Variants in ARHGAP40 observed in about 807,000 individuals in gnomAD.
ARHGAP40 encodes Rho GTPase activating protein 40.
In ARHGAP40, 43 loss-of-function variants were observed where a neutral mutation model predicts 73.5. That is an observed-to-expected ratio of 0.58 (90% CI 0.46 to 0.75). The LOEUF (loss-of-function observed/expected upper bound fraction) is 0.75, where lower values mean the gene tolerates loss of function less well. Among genes scored for constraint, ARHGAP40 ranks in the 30% least tolerant of loss-of-function variants. ARHGAP40 has a pLI of 0.00. For missense variants in ARHGAP40, 734 were observed against 861.8 expected (o/e 0.85, Z 1.86); for synonymous variants, 300 against 352.8 (o/e 0.85, Z 1.68).
intron 1 of ARHGAP40, among the ~76,000 whole-genome samples, chr20:38,602,570 C>T (rs951701900): frequency 9.9e-5 from 15 of 152,162 alleles, no homozygotes; most frequent in African/African-American, 3.1e-4. Flanking sequence ...TCATTTCCCC[C>T]ACTCTGATTA....
Position 38,601,912 on chromosome 20 carries a change from C to T in ARHGAP40, c.-31C>T, listed in dbSNP as rs888243935. On this transcript the variant is annotated 5_prime_UTR_variant, in exon 1 of 15. In the 5' UTR this introduces an upstream ATG that the reference lacks. Coordinates refer to ENST00000373345, the Ensembl canonical transcript of ARHGAP40. The stretch of plus-strand genomic sequence containing the variant: ...AGTCAGCCCCACGGCGGCAGCACCA[C>T]GACCGACCGGGATCCTCGAGGTGCC... 3.1e-6 allele frequency: 4 copies of T among 1,287,202 alleles called. No individual in the cohort carries two copies. The highest frequency in any genetic ancestry group is 2.3e-5 in the Admixed American group (1 of 43,502). The allele number at this position is 1,287,202 out of a possible 1,614,324, so 79.7% of individuals were successfully genotyped here.
At chr20:38,641,375 C>T (rs1479607101) in intron 9 of ARHGAP40, among the ~76,000 whole-genome samples, 1 of 152,154 alleles carries the variant, frequency 6.6e-6, no homozygotes, top group African/African-American at 2.4e-5. Context: ...CTATCTGGGC[C>T]CATTGAGCTC....
chr20:38,629,090 C>T (rs560900459), intron 4 of ARHGAP40, 88 bp downstream of exon 4: 1 of 1,058,282 alleles, frequency 9.4e-7, no homozygotes, highest in East Asian at 6.2e-5. Context: ...TGCACACCTC[C>T]CAGCATTTCC....
intron 2 of ARHGAP40, among the ~76,000 whole-genome samples, chr20:38,626,125 G>C (rs764051283): frequency 6.6e-6 from 1 of 152,226 alleles, no homozygotes; most frequent in African/African-American, 2.4e-5. Flanking sequence ...CCCAAGTGCA[G>C]GGAAAGTGTT....
At chr20:38,636,150 T>G (rs1311699437) in intron 6 of ARHGAP40, among the ~76,000 whole-genome samples, 1 of 152,242 alleles carries the variant, frequency 6.6e-6, no homozygotes, top group Non-Finnish European at 1.5e-5. Flanking sequence ...TGGGAAGATT[T>G]GCAAATTCAC....
At chr20:38,612,395 T>G (rs1469965959) in intron 1 of ARHGAP40, among the ~76,000 whole-genome samples, 1 of 152,146 alleles carries the variant, frequency 6.6e-6, no homozygotes, top group Admixed American at 6.5e-5. Flanking sequence ...TAAAGTTGGC[T>G]GGGCACGGTG....
At chr20:38,642,113 T>G (rs1401517660) in intron 10 of ARHGAP40, among the ~76,000 whole-genome samples, 1 of 152,180 alleles carries the variant, frequency 6.6e-6, no homozygotes, top group African/African-American at 2.4e-5. Flanking sequence ...TTAAGAATAC[T>G]TTTCTCCCCA....
chr20:38,639,518 T>C, intron 9 of ARHGAP40, 132 bp downstream of exon 9: 1 of 1,079,266 alleles, frequency 9.3e-7, no homozygotes, highest in Non-Finnish European at 1.2e-6. Flanking sequence ...GTCCAACTGA[T>C]GGGGGAAGAA....
At chr20:38,627,687 G>A (rs555562519) in intron 3 of ARHGAP40, among the ~76,000 whole-genome samples, 3 of 142,536 alleles carry the variant, frequency 2.1e-5, no homozygotes, top group East Asian at 2.0e-4. Context: ...TGTGTGTTGT[G>A]TGTGTGTTGG....
chr20:38,637,148 T>A (rs567965037), intron 6 of ARHGAP40, among the ~76,000 whole-genome samples: 1 of 151,984 alleles, frequency 6.6e-6, no homozygotes, highest in Non-Finnish European at 1.5e-5. Context: ...TCAATACTTT[T>A]TTTTTTTTTT....
intron 6 of ARHGAP40, among the ~76,000 whole-genome samples, chr20:38,636,112 G>A (rs1246747407): frequency 1.3e-5 from 2 of 152,242 alleles, no homozygotes; most frequent in East Asian, 3.9e-4. Context: ...CCTAGCAAGG[G>A]GTGAGGAAGT....
intron 3 of ARHGAP40, among the ~76,000 whole-genome samples, chr20:38,628,287 A>C (rs2088914875): frequency 6.7e-6 from 1 of 149,612 alleles, no homozygotes; most frequent in Non-Finnish European, 1.5e-5. Flanking sequence ...CCCACCTCCT[A>C]CCTCATTATC....
chr20:38,640,293 T>TG (rs2089010447), intron 9 of ARHGAP40, among the ~76,000 whole-genome samples: 1 of 150,962 alleles, frequency 6.6e-6, no homozygotes, highest in Non-Finnish European at 1.5e-5. Context: ...CCTAGCTCAC[T>TG]GCAGCCTTGA....
intron 1 of ARHGAP40, chr20:38,615,519 C>G (rs2088831082): frequency 1.6e-6 from 1 of 638,124 alleles, no homozygotes; most frequent in Non-Finnish European, 2.9e-6. Flanking sequence ...TCTCCTTGGG[C>G]CCTTCAGTGT....
chr20:38,639,710 G>T (rs1159446279), intron 9 of ARHGAP40, among the ~76,000 whole-genome samples: 5 of 152,224 alleles, frequency 3.3e-5, no homozygotes, highest in Non-Finnish European at 7.3e-5. Context: ...ACATCCATGG[G>T]GTTGAGCTTA....
At chr20:38,623,648 C>T in intron 2 of ARHGAP40, 90 bp downstream of exon 2, 1 of 1,061,564 alleles carries the variant, frequency 9.4e-7, no homozygotes, top group Non-Finnish European at 1.2e-6. Context: ...TGAACCAGAA[C>T]ATGACAGCAT....
At chr20:38,645,425 T>C (rs539840309) in intron 11 of ARHGAP40, among the ~76,000 whole-genome samples, 46 of 152,100 alleles carry the variant, frequency 3.0e-4, no homozygotes, top group Non-Finnish European at 5.6e-4. Flanking sequence ...AAAACATAGA[T>C]GTAGAAAAAG....
rs3064344 is a variant in ARHGAP40, at chr20:38,616,935, C to CTTTATTTATTTATTTATTTATTTA, written c.138-6420_138-6397dup. Among the ~76,000 whole-genome samples the CTTTATTTATTTATTTATTTATTTA allele has an allele frequency of 1.1e-4, 16 of 149,980 alleles. No individual in the cohort carries two copies. In the South Asian group the frequency reaches 2.4e-3, roughly 22 times the overall value. On this transcript the variant is annotated intron_variant, in intron 1 of 14. Transcript: ENST00000373345. ...TGCTGTTAGTACTGAGCTTGAGGAA[C>CTTTATTTATTTATTTATTTATTTA]TTTATTTATTTATTTATTTATTTAT...
intron 6 of ARHGAP40, among the ~76,000 whole-genome samples, chr20:38,636,901 C>A (rs1353868017): frequency 6.6e-6 from 1 of 151,652 alleles, no homozygotes; most frequent in Non-Finnish European, 1.5e-5. Context: ...TAAAAAAAGA[C>A]CAGGGGGAGG....
Sources: gnomAD v4.1 joint callset for allele counts (sites outside exome capture counted in the v4.1 genomes callset) on GRCh38, gnomAD v4.1.1 for gene constraint, MANE v1.5 for transcripts, NCBI Gene and HGNC (gene_info 2026-07-23, HGNC 2026-07-21) for gene names.